Variants in DLG5 observed in about 807,000 individuals in gnomAD.
DLG5 encodes discs large MAGUK scaffold protein 5, also known as disks large homolog 5.
A neutral mutation model predicts 189.8 loss-of-function variants in DLG5; 48 were observed. The ratio of observed to expected loss-of-function variants is 0.25; its 90% confidence interval spans 0.20 to 0.32. DLG5 has a LOEUF of 0.32. Ranked by LOEUF, DLG5 falls within the 10% of genes least tolerant of loss-of-function variation. The probability of loss-of-function intolerance (pLI) is 1.00; values close to 1 mark genes in which losing one functional copy is unlikely to be tolerated. For synonymous variants in DLG5, 1,016 were observed against 1,054.1 expected (o/e 0.96, Z 0.70); for missense variants, 2,160 against 2,544.7 (o/e 0.85, Z 3.25).
At chr10:77,870,477 G>A (rs1290615377) in intron 1 of DLG5, among the ~76,000 whole-genome samples, 3 of 152,146 alleles carry the variant, frequency 2.0e-5, no homozygotes, top group Non-Finnish European at 4.4e-5. Flanking sequence ...CAGCTCAGGA[G>A]TTTGAGACCA....
intron 24 of DLG5, 119 bp from the exon 25 acceptor site, chr10:77,808,063 C>G: frequency 8.2e-7 from 1 of 1,223,072 alleles, no homozygotes; most frequent in Non-Finnish European, 1.1e-6. Flanking sequence ...AACTGAGACT[C>G]TGGCTACCTC....
chr10:77,811,240 G>A lies in DLG5; in HGVS notation c.4323-6C>T. 1 of 1,612,374 alleles carries A rather than the reference G, an allele frequency of 6.2e-7. No individual in the cohort carries two copies. Among genetic ancestry groups the A allele is most frequent in the Non-Finnish European group, 8.5e-7 (1 of 1,179,624 alleles). On this transcript the variant is annotated splice_polypyrimidine_tract_variant and splice_region_variant and intron_variant, in intron 22 of 31. Coordinates refer to ENST00000372391, the MANE Select transcript of DLG5 (RefSeq NM_004747.4). ...CGGCAGGGTCCAGGTGTGAGCTGGAGGCGGAGGACAGGAGGGATAAGGAGC... is the reference window on the plus strand; with the variant it reads ...CGGCAGGGTCCAGGTGTGAGCTGGAAGCGGAGGACAGGAGGGATAAGGAGC...
At chr10:77,888,656 G>A (rs914349886) in intron 1 of DLG5, among the ~76,000 whole-genome samples, 27 of 152,186 alleles carry the variant, frequency 1.8e-4, no homozygotes, top group African/African-American at 4.6e-4. Flanking sequence ...ATAGGAATGC[G>A]CCCAAATCCA....
rs918804807 is a variant in DLG5 at position 77,842,028 on chromosome 10, G to T, written c.1290C>A (p.Ser430Arg). 1 of 1,614,186 alleles carries T rather than the reference G, an allele frequency of 6.2e-7. No individual in the cohort carries two copies. Among genetic ancestry groups the T allele is most frequent in the Non-Finnish European group, 8.5e-7 (1 of 1,180,046 alleles). The stretch of plus-strand genomic sequence containing the variant: ...GCTCACTCATGATGAGCTTGTACTC[G>T]CTGTACACAGCGTCCCGCTCCTCCC... The part of the protein sequence containing the change: ...KYREERDAVY[S>R]EYKLIMSERD... The change falls in exon 7 of 32, where the codon AGC (serine) becomes AGA (arginine). Residue 430 changes from serine (S) to arginine (R), a missense_variant. Ser to Arg is a moderately radical substitution (Grantham distance 110, BLOSUM62 -1). This residue lies in a region of DLG5 where 664 missense variants were observed against 838.5 expected (regional missense o/e 0.79). Coordinates refer to ENST00000372391, the MANE Select transcript of DLG5 (RefSeq NM_004747.4).
chr10:77,848,009 G>A (rs902882236), intron 5 of DLG5, among the ~76,000 whole-genome samples: 1 of 152,160 alleles, frequency 6.6e-6, no homozygotes, highest in Non-Finnish European at 1.5e-5. Flanking sequence ...CCTGGCCTGA[G>A]AGTCAACTTT....
intron 10 of DLG5, among the ~76,000 whole-genome samples, 158 bp downstream of exon 10, chr10:77,830,583 A>G (rs555318996): frequency 2.6e-5 from 4 of 152,296 alleles, no homozygotes; most frequent in African/African-American, 9.6e-5. Context: ...GCTGCAACCC[A>G]GCCTGGACAG....
rs757597145 is a variant in DLG5, at chr10:77,819,920, C to T, written c.3501G>A (p.Pro1167=). The T allele has an allele frequency of 5.0e-6, 8 of 1,599,194 alleles. No individual in the cohort carries two copies. The highest frequency in any genetic ancestry group is 2.7e-5 in the African/African-American group (2 of 74,608). The change falls in exon 16 of 32, where the codon CCG becomes CCA. Residue 1167 remains proline (P), a synonymous_variant. Transcript: ENST00000372391. Reference sequence around the variant, plus strand: ...CCACAGACGGCCTGCTAGGGTATAGCGGGGGGTTGCTGTGCCGGCTGGAAT... The same window carrying T: ...CCACAGACGGCCTGCTAGGGTATAGTGGGGGGTTGCTGTGCCGGCTGGAAT... ...PGHSSRHSNP[P]LYPSRPSVGT...
At chr10:77,825,374 C>CCCCA (rs376716808) in intron 13 of DLG5, among the ~76,000 whole-genome samples, 5 of 130,816 alleles carry the variant, frequency 3.8e-5, no homozygotes, top group Admixed American at 2.4e-4. Context: ...CCACACACAA[C>CCCCA]CACACACACA....
chr10:77,808,325 G>C (rs1030733918), intron 24 of DLG5, among the ~76,000 whole-genome samples: 1 of 152,146 alleles, frequency 6.6e-6, no homozygotes, highest in Admixed American at 6.5e-5. Flanking sequence ...TGAGTGCAGT[G>C]GTGCAATCAC....
chr10:77,856,001 A>G (rs886196890), intron 3 of DLG5, among the ~76,000 whole-genome samples: 28 of 152,020 alleles, frequency 1.8e-4, no homozygotes, highest in Admixed American at 1.8e-3. Context: ...AGCAGCAAAC[A>G]TTTTCTTCAA....
chr10:77,818,576 C>T (rs919131565), intron 17 of DLG5, among the ~76,000 whole-genome samples: 2 of 152,198 alleles, frequency 1.3e-5, no homozygotes, highest in African/African-American at 4.8e-5. Flanking sequence ...GCCTTGGCAC[C>T]GATGGCCCTT....
intron 1 of DLG5, among the ~76,000 whole-genome samples, chr10:77,895,219 T>C (rs1196875228): frequency 6.6e-6 from 1 of 152,020 alleles, no homozygotes; most frequent in Non-Finnish European, 1.5e-5. Context: ...CATCTCTTCC[T>C]CCACCCTGTC....
At chr10:77,865,230 C>T (rs1354272192) in intron 2 of DLG5, among the ~76,000 whole-genome samples, 2 of 152,168 alleles carry the variant, frequency 1.3e-5, no homozygotes, top group African/African-American at 4.8e-5. Flanking sequence ...TACCAAACAC[C>T]TGCCCCACAA....
chr10:77,878,740 C>T (rs986190942), intron 1 of DLG5, among the ~76,000 whole-genome samples: 3 of 152,204 alleles, frequency 2.0e-5, no homozygotes, highest in African/African-American at 7.2e-5. Context: ...CAATTCCAAG[C>T]CATCCCCAGC....
intron 30 of DLG5, among the ~76,000 whole-genome samples, chr10:77,794,642 A>G (rs935168292): frequency 2.0e-5 from 3 of 152,208 alleles, no homozygotes. Flanking sequence ...GGCGCGAGGA[A>G]GGGGCTGCGC....
chr10:77,898,574 T>C (rs1036749742), intron 1 of DLG5, among the ~76,000 whole-genome samples: 2 of 152,180 alleles, frequency 1.3e-5, no homozygotes, highest in African/African-American at 4.8e-5. Flanking sequence ...CCAATAGAGT[T>C]ATCTTTTAAT....
intron 1 of DLG5, among the ~76,000 whole-genome samples, chr10:77,877,022 C>T (rs924821910): frequency 5.9e-5 from 9 of 152,128 alleles, no homozygotes; most frequent in African/African-American, 2.2e-4. Flanking sequence ...GCCACCACAC[C>T]TGGCTTTTGT....
intron 1 of DLG5, among the ~76,000 whole-genome samples, chr10:77,881,073 A>G (rs1231122330): frequency 1.4e-5 from 2 of 145,600 alleles, no homozygotes; most frequent in Non-Finnish European, 3.0e-5. Flanking sequence ...CCCGGGTCCA[A>G]GTGATTCTCC....
chr10:77,833,953 T>C lies in DLG5; in HGVS notation c.1709A>G (p.Lys570Arg), dbSNP rs752431144. ...CTCGCGGCTGACATCATTCTTCTGC[T>C]TGCGGGTGTCATCCAGGCTGCGCAG... ...EALRSLDDTR[K>R]QKNDVSRELK... The change falls in exon 9 of 32, where the codon AAG becomes AGG. Residue 570 changes from lysine to arginine, a missense_variant. Coordinates refer to ENST00000372391, the MANE Select transcript of DLG5 (RefSeq NM_004747.4). The C allele has an allele frequency of 8.7e-6, 14 of 1,606,884 alleles. No homozygotes were observed. Among genetic ancestry groups the C allele is most frequent in the Non-Finnish European group, 1.2e-5 (14 of 1,179,938 alleles).
Sources: allele counts gnomAD v4.1 joint callset (sites outside exome capture counted in the v4.1 genomes callset), GRCh38; gene constraint gnomAD v4.1.1; regional missense constraint gnomAD v4.1.1; transcripts MANE v1.5; gene names NCBI Gene and HGNC (gene_info 2026-07-23, HGNC 2026-07-21).